The following FGF14 variants were observed in gnomAD, a reference collection of about 807,000 sequenced individuals.
FGF14 encodes fibroblast growth factor homologous factor 4.
Under a neutral mutation model 25.5 loss-of-function variants are expected in FGF14, and 5 were observed. The observed-to-expected ratio is 0.20, with a 90% CI of 0.10 to 0.41. The LOEUF is 0.41. Ranked by LOEUF, FGF14 falls within the 10% of genes least tolerant of loss-of-function variation. The pLI is 1.00. For missense variants in FGF14, 222 were observed against 320.1 expected (o/e 0.69, Z 2.34); for synonymous variants, 138 against 118.3 (o/e 1.17, Z -1.08).
At chr13:102,257,884 A>C (rs7989386) in intron 1 of FGF14, among the ~76,000 whole-genome samples, 124,543 of 152,040 alleles carry the variant, frequency 0.82, 51,635 homozygotes, top group African/African-American at 0.95. Context: ...ATGTCCCTTT[A>C]TGGCCCAGTT....
intron 3 of FGF14, among the ~76,000 whole-genome samples, chr13:101,832,683 C>CT (rs2042733288): frequency 6.6e-6 from 1 of 151,972 alleles, no homozygotes; most frequent in African/African-American, 2.4e-5. Flanking sequence ...CCCTACCCCG[C>CT]TTTCATGTAC....
chr13:101,995,123 C>T (rs2039112503), intron 1 of FGF14, among the ~76,000 whole-genome samples: 1 of 152,048 alleles, frequency 6.6e-6, no homozygotes, highest in Admixed American at 6.6e-5. Context: ...TGTCTGTTAT[C>T]AATCGTTATA....
intron 1 of FGF14, among the ~76,000 whole-genome samples, chr13:102,322,038 C>G (rs907437030): frequency 1.3e-5 from 2 of 152,170 alleles, no homozygotes; most frequent in African/African-American, 4.8e-5. Context: ...CACCCAAACC[C>G]TGGAACACAA....
chr13:102,115,979 G>A (rs886096589), intron 1 of FGF14, among the ~76,000 whole-genome samples: 2 of 152,034 alleles, frequency 1.3e-5, no homozygotes, highest in East Asian at 1.9e-4. Flanking sequence ...GCTTGGTGAC[G>A]CATGCCTGTA....
At chr13:102,310,473 T>C (rs2055672544) in intron 1 of FGF14, among the ~76,000 whole-genome samples, 1 of 152,050 alleles carries the variant, frequency 6.6e-6, no homozygotes, top group Non-Finnish European at 1.5e-5. Context: ...GAACTTACTT[T>C]TTGAAATTAG....
chr13:101,916,466 C>T lies in FGF14; in HGVS notation c.180G>A (p.Arg60=). The T allele has an allele frequency of 6.2e-7, 1 of 1,613,968 alleles. No homozygotes were observed. ...KVRIFGLKKR[R]LRRQDPQLKG... ...ACCCCCACAGACCTTGGCGCCGCAACCTGCGCTTCTTGAGGCCGAAGATGC... is the reference window on the plus strand; with the variant it reads ...ACCCCCACAGACCTTGGCGCCGCAATCTGCGCTTCTTGAGGCCGAAGATGC... Residue 60 remains arginine, a synonymous_variant, in exon 1 of 5, where the codon AGG becomes AGA. Coordinates refer to ENST00000376143, the MANE Select transcript of FGF14 (RefSeq NM_004115.4).
At chr13:102,209,769 C>G (rs970109414) in intron 1 of FGF14, among the ~76,000 whole-genome samples, 1 of 152,144 alleles carries the variant, frequency 6.6e-6, no homozygotes, top group Admixed American at 6.5e-5. Context: ...AAACTTTTAA[C>G]ATCTACAATA....
chr13:102,289,795 G>C (rs1202489737), intron 1 of FGF14, among the ~76,000 whole-genome samples: 2 of 152,130 alleles, frequency 1.3e-5, no homozygotes, highest in Non-Finnish European at 2.9e-5. Flanking sequence ...CACATGCTTA[G>C]AGGATGAATC....
chr13:102,170,656 T>C (rs1160586068), intron 1 of FGF14, among the ~76,000 whole-genome samples: 2 of 152,182 alleles, frequency 1.3e-5, no homozygotes, highest in African/African-American at 4.8e-5. Flanking sequence ...CAGCAATGTT[T>C]TGTTTTAACA....
intron 1 of FGF14, among the ~76,000 whole-genome samples, chr13:101,909,581 G>C (rs955217955): frequency 6.6e-6 from 1 of 152,204 alleles, no homozygotes; most frequent in Non-Finnish European, 1.5e-5. Flanking sequence ...TCATTAAAAA[G>C]TCAGGAAACA....
intron 1 of FGF14, among the ~76,000 whole-genome samples, chr13:102,240,345 T>C (rs1350006186): frequency 1.3e-5 from 2 of 152,182 alleles, no homozygotes; most frequent in Non-Finnish European, 2.9e-5. Flanking sequence ...AAATAATGCT[T>C]TCCCCGGCTC....
chr13:101,825,606 T>C (rs1286003062), intron 3 of FGF14, among the ~76,000 whole-genome samples: 1 of 152,152 alleles, frequency 6.6e-6, no homozygotes, highest in Non-Finnish European at 1.5e-5. Context: ...AAAAGTCCAC[T>C]CAGATATAAA....
chr13:102,362,437 C>T (rs1279007800), intron 1 of FGF14, among the ~76,000 whole-genome samples: 4 of 152,244 alleles, frequency 2.6e-5, no homozygotes, highest in Non-Finnish European at 4.4e-5. Context: ...GAGCATAATT[C>T]AAGGTAAGGA....
intron 1 of FGF14, among the ~76,000 whole-genome samples, chr13:101,880,266 T>C (rs2138790324): frequency 6.6e-6 from 1 of 152,180 alleles, no homozygotes; most frequent in South Asian, 2.1e-4. Flanking sequence ...AGAGATAGCA[T>C]CTGGCATTAA....
chr13:102,027,928 G>T (rs909397978), intron 1 of FGF14, among the ~76,000 whole-genome samples: 3 of 151,952 alleles, frequency 2.0e-5, no homozygotes, highest in African/African-American at 7.3e-5. Flanking sequence ...TTATTATATA[G>T]AGAGAAACCA....
chr13:102,224,479 T>C (rs535932230), intron 1 of FGF14, among the ~76,000 whole-genome samples: 99 of 152,272 alleles, frequency 6.5e-4, no homozygotes, highest in African/African-American at 2.3e-3. Flanking sequence ...AATGTCGCTA[T>C]GCTGAATTAA....
intron 1 of FGF14, among the ~76,000 whole-genome samples, chr13:101,900,160 G>A (rs1346997577): frequency 6.6e-6 from 1 of 152,060 alleles, no homozygotes; most frequent in Non-Finnish European, 1.5e-5. Flanking sequence ...AAATATAACA[G>A]AGAGCTACTT....
intron 1 of FGF14, among the ~76,000 whole-genome samples, chr13:101,991,545 C>G (rs1208033027): frequency 6.6e-6 from 1 of 151,998 alleles, no homozygotes; most frequent in Non-Finnish European, 1.5e-5. Context: ...ATTCTCGTAA[C>G]AAGAAAAAGG....
At chr13:102,369,056 A>G (rs983470219) in intron 1 of FGF14, among the ~76,000 whole-genome samples, 1 of 152,200 alleles carries the variant, frequency 6.6e-6, no homozygotes, top group African/African-American at 2.4e-5. Context: ...AAACTTGTCT[A>G]CTTCCTCACT....
Sources: gnomAD v4.1 joint callset for allele counts (sites outside exome capture counted in the v4.1 genomes callset) on GRCh38, gnomAD v4.1.1 for gene constraint, MANE v1.5 for transcripts, NCBI Gene and HGNC (gene_info 2026-07-23, HGNC 2026-07-21) for gene names.